Variants in SH3RF2 observed in about 807,000 individuals in gnomAD.
The protein encoded by SH3RF2 is E3 ubiquitin-protein ligase SH3RF2.
In SH3RF2, 43 loss-of-function variants were observed where a neutral mutation model predicts 59.0. The observed-to-expected ratio is 0.73, with a 90% CI of 0.57 to 0.94. The LOEUF (loss-of-function observed/expected upper bound fraction) is 0.94, where lower values mean the gene tolerates loss of function less well. Ranked by LOEUF, SH3RF2 falls within the 40% of genes least tolerant of loss-of-function variation. The pLI, the probability that SH3RF2 is intolerant of heterozygous loss-of-function variation, is 0.00. For synonymous variants in SH3RF2, 391 were observed against 391.5 expected (o/e 1.00, Z 0.01); for missense variants, 930 against 940.1 (o/e 0.99, Z 0.14).
chr5:145,964,191 C>A (rs112897684), intron 2 of SH3RF2, among the ~76,000 whole-genome samples: 11,537 of 150,306 alleles, frequency 0.077, 1,458 homozygotes, highest in African/African-American at 0.27. Context: ...TTTCTTTCTT[C>A]TTTCTTTTCC....
intron 7 of SH3RF2, among the ~76,000 whole-genome samples, chr5:146,052,808 G>T: frequency 6.6e-6 from 1 of 152,176 alleles, no homozygotes; most frequent in East Asian, 1.9e-4. Flanking sequence ...GAATAATACT[G>T]TCCTTTTCAG....
chr5:146,009,356 C>T (rs1760783025), intron 4 of SH3RF2, among the ~76,000 whole-genome samples: 1 of 152,134 alleles, frequency 6.6e-6, no homozygotes, highest in Admixed American at 6.6e-5. Context: ...CCTCTTTTAT[C>T]ACCTTCTCCT....
At chr5:146,052,604 G>A (rs1762537765) in intron 7 of SH3RF2, among the ~76,000 whole-genome samples, 1 of 152,124 alleles carries the variant, frequency 6.6e-6, no homozygotes, top group South Asian at 2.1e-4. Flanking sequence ...TTCTTAGGTG[G>A]CAGAGGATCA....
intron 4 of SH3RF2, among the ~76,000 whole-genome samples, chr5:146,004,505 T>C (rs1760555405): frequency 6.6e-6 from 1 of 152,156 alleles, no homozygotes. Flanking sequence ...ATGTACAAAA[T>C]ATTCAAAAAT....
chr5:145,953,147 CAAATAATAA>C (rs1758257846), intron 2 of SH3RF2, among the ~76,000 whole-genome samples: 1 of 149,284 alleles, frequency 6.7e-6, no homozygotes, highest in Non-Finnish European at 1.5e-5. Flanking sequence ...CACACACACA[CAAATAATAA>C]AAATAATTGC....
chr5:145,992,940 C>T (rs568579473), intron 2 of SH3RF2, among the ~76,000 whole-genome samples: 12 of 152,246 alleles, frequency 7.9e-5, no homozygotes, highest in Non-Finnish European at 1.2e-4. Context: ...CTCAAAAGTC[C>T]ATAGTCCAAA....
intron 8 of SH3RF2, among the ~76,000 whole-genome samples, chr5:146,058,197 AT>A (rs1425127500): frequency 1.3e-5 from 2 of 152,128 alleles, no homozygotes; most frequent in African/African-American, 4.8e-5. Context: ...GAAATTAGGA[AT>A]TGACAAGATA....
chr5:146,023,893 G>A (rs777902376), intron 5 of SH3RF2, among the ~76,000 whole-genome samples: 10 of 152,060 alleles, frequency 6.6e-5, no homozygotes, highest in South Asian at 2.1e-4. Context: ...GGTTTCTTTC[G>A]CTGAATATGT....
chr5:146,046,000 A>AAAT (rs1327105923), intron 5 of SH3RF2, among the ~76,000 whole-genome samples: 9 of 152,210 alleles, frequency 5.9e-5, no homozygotes, highest in Admixed American at 5.9e-4. Flanking sequence ...TTATTTGACT[A>AAAT]AAGTGGTTTT....
intron 8 of SH3RF2, 23 bp downstream of exon 8, chr5:146,056,236 G>A (rs183036839): frequency 1.5e-5 from 25 of 1,614,020 alleles, no homozygotes; most frequent in Middle Eastern, 3.3e-4. Context: ...AGAGAGGTAC[G>A]TGCCTAGAGC....
intron 5 of SH3RF2, among the ~76,000 whole-genome samples, chr5:146,026,133 G>A (rs1266466421): frequency 1.3e-5 from 2 of 152,170 alleles, no homozygotes; most frequent in East Asian, 3.8e-4. Context: ...TATGGAGGAG[G>A]GGGTGATCTT....
intron 5 of SH3RF2, among the ~76,000 whole-genome samples, chr5:146,038,649 T>C (rs959820713): frequency 2.6e-5 from 4 of 152,218 alleles, no homozygotes; most frequent in African/African-American, 9.6e-5. Context: ...TAAAACATCA[T>C]TGAAAGACAT....
chr5:146,020,684 A>T (rs1761286900), intron 5 of SH3RF2, among the ~76,000 whole-genome samples: 1 of 152,160 alleles, frequency 6.6e-6, no homozygotes, highest in South Asian at 2.1e-4. Context: ...TATCTTACCA[A>T]CATGCGTAAG....
At chr5:146,019,366 T>G (rs896438954) in intron 5 of SH3RF2, among the ~76,000 whole-genome samples, 1 of 152,120 alleles carries the variant, frequency 6.6e-6, no homozygotes, top group Admixed American at 6.6e-5. Flanking sequence ...TTAAATAGGA[T>G]GTCCTTTCCT....
At chr5:146,046,972 G>A (rs1762326532) in intron 5 of SH3RF2, among the ~76,000 whole-genome samples, 1 of 152,046 alleles carries the variant, frequency 6.6e-6, no homozygotes, top group African/African-American at 2.4e-5. Context: ...TTCCCAGGCT[G>A]GTCTAGAATT....
intron 2 of SH3RF2, among the ~76,000 whole-genome samples, chr5:145,993,721 C>A (rs1760039986): frequency 6.6e-6 from 1 of 152,212 alleles, no homozygotes; most frequent in Non-Finnish European, 1.5e-5. Context: ...GACCCTGGGC[C>A]CGGCCCATGA....
At position 146,000,235 on chromosome 5, in the gene SH3RF2, C is replaced by A. The variant is rs564714157; in HGVS notation, c.556C>A (p.Pro186Thr). Residue 186 changes from proline (P) to threonine (T), a missense_variant, in exon 3 of 10, where the codon CCC becomes ACC. Transcript: ENST00000359120. ...CTCCGTGGAAGTCATCAAGCAGCTG[C>A]CCCAGCCGCCCCCGCTCTGCAGGGC... ...ASSVEVIKQL[P>T]QPPPLCRALY... The A allele has an allele frequency of 6.2e-7, 1 of 1,613,910 alleles. No homozygotes were observed. Among genetic ancestry groups the A allele is most frequent in the South Asian group, 1.1e-5 (1 of 91,054 alleles).
chr5:145,974,306 A>T (rs1177724325), intron 2 of SH3RF2, among the ~76,000 whole-genome samples: 1 of 152,180 alleles, frequency 6.6e-6, no homozygotes, highest in Non-Finnish European at 1.5e-5. Flanking sequence ...GTGATATCTC[A>T]TCACCTTTTT....
intron 5 of SH3RF2, 88 bp from the exon 6 acceptor site, chr5:146,047,667 TGGTTTTCAGCTGTGTCA>T: frequency 4.0e-6 from 4 of 1,010,244 alleles, no homozygotes; most frequent in Non-Finnish European, 5.9e-6. Context: ...GCATGGCTGT[TGGTTTTCAGCTGTGTCA>T]GGTCTTTCTA....
Sources: allele counts gnomAD v4.1 joint callset (sites outside exome capture counted in the v4.1 genomes callset), GRCh38; gene constraint gnomAD v4.1.1; transcripts MANE v1.5; gene names NCBI Gene and HGNC (gene_info 2026-07-23, HGNC 2026-07-21).